ABTB3: variants seen among roughly 807,000 people sequenced by gnomAD.
The protein encoded by ABTB3 is ankyrin repeat- and BTB/POZ domain-containing protein 3.
chr12:107,450,448 T>C, the ABTB3 span, among the ~76,000 whole-genome samples: 1 of 152,070 alleles, frequency 6.6e-6, no homozygotes, highest in Non-Finnish European at 1.5e-5. Context: ...TATACCACCT[T>C]GGGGTTGCAG....
At chr12:107,490,331 A>G in the ABTB3 span, among the ~76,000 whole-genome samples, 1 of 152,198 alleles carries the variant, frequency 6.6e-6, no homozygotes, top group Non-Finnish European at 1.5e-5. Flanking sequence ...CCTGGTCAAC[A>G]GCTCAACTGC....
chr12:107,473,936 T>G, the ABTB3 span, among the ~76,000 whole-genome samples: 1 of 151,590 alleles, frequency 6.6e-6, no homozygotes, highest in Non-Finnish European at 1.5e-5. Context: ...GTGTGCACCA[T>G]CACACTTGGC....
chr12:107,514,807 A>G, the ABTB3 span, among the ~76,000 whole-genome samples: 1 of 152,232 alleles, frequency 6.6e-6, no homozygotes. Context: ...GCTTCTTTGA[A>G]TAATTATATT....
At chr12:107,390,254 T>G in the ABTB3 span, among the ~76,000 whole-genome samples, 1 of 152,224 alleles carries the variant, frequency 6.6e-6, no homozygotes, top group African/African-American at 2.4e-5. Flanking sequence ...TAGTGTATCT[T>G]ATTGTATTTA....
chr12:107,566,461 A>T, the ABTB3 span, among the ~76,000 whole-genome samples: 9 of 152,334 alleles, frequency 5.9e-5, no homozygotes, highest in East Asian at 1.7e-3. Context: ...AGTTAGTTAT[A>T]ACAGAATTAC....
the ABTB3 span, among the ~76,000 whole-genome samples, chr12:107,469,729 G>C: frequency 6.6e-6 from 1 of 152,098 alleles, no homozygotes; most frequent in African/African-American, 2.4e-5. Context: ...GCACTTATTA[G>C]GTAATAATAG....
chr12:107,480,180 A>G, the ABTB3 span, among the ~76,000 whole-genome samples: 2 of 152,358 alleles, frequency 1.3e-5, no homozygotes. Context: ...CTAAAAACCC[A>G]GAGAATGTTT....
At chr12:107,626,745 G>A in the ABTB3 span, among the ~76,000 whole-genome samples, 4 of 151,960 alleles carry the variant, frequency 2.6e-5, no homozygotes, top group Non-Finnish European at 5.9e-5. Context: ...CATGTAAGCA[G>A]AAAAAAATAA....
At chr12:107,635,149 A>G in the ABTB3 span, 1 of 695,002 alleles carries the variant, frequency 1.4e-6, no homozygotes, top group Non-Finnish European at 2.4e-6. Context: ...CTTCTGTGCT[A>G]CCCCAGGGGA....
the ABTB3 span, among the ~76,000 whole-genome samples, chr12:107,386,889 A>AAG: frequency 1.6e-5 from 2 of 122,498 alleles, no homozygotes; most frequent in African/African-American, 7.4e-5. Context: ...AGGAAATGGA[A>AAG]AGTGTGTGTG....
chr12:107,470,709 G>A, the ABTB3 span, among the ~76,000 whole-genome samples: 1 of 152,210 alleles, frequency 6.6e-6, no homozygotes, highest in African/African-American at 2.4e-5. Flanking sequence ...ACCCTGGCCT[G>A]GTGGCACCTC....
the ABTB3 span, among the ~76,000 whole-genome samples, chr12:107,632,558 A>T: frequency 6.6e-6 from 1 of 152,224 alleles, no homozygotes; most frequent in South Asian, 2.1e-4. Flanking sequence ...TAAACTTTAG[A>T]TGAGATGTGT....
At chr12:107,397,964 G>A in the ABTB3 span, among the ~76,000 whole-genome samples, 1 of 152,088 alleles carries the variant, frequency 6.6e-6, no homozygotes, top group Non-Finnish European at 1.5e-5. Context: ...CTCTTCGCCT[G>A]GATAGGAATA....
At chr12:107,546,264 T>A in the ABTB3 span, among the ~76,000 whole-genome samples, 1 of 152,126 alleles carries the variant, frequency 6.6e-6, no homozygotes, top group Non-Finnish European at 1.5e-5. Context: ...AACCTATTGA[T>A]CTAAGTTCCT....
the ABTB3 span, among the ~76,000 whole-genome samples, chr12:107,427,380 C>A: frequency 1.3e-5 from 2 of 152,000 alleles, no homozygotes; most frequent in African/African-American, 4.8e-5. Flanking sequence ...TTCCTGGGCA[C>A]AAACCACCCT....
At chr12:107,358,328 A>T in the ABTB3 span, among the ~76,000 whole-genome samples, 1 of 152,246 alleles carries the variant, frequency 6.6e-6, no homozygotes, top group South Asian at 2.1e-4. Flanking sequence ...TTAGGGAATT[A>T]GCTCCACAGA....
At chr12:107,519,161 T>C in the ABTB3 span, among the ~76,000 whole-genome samples, 4 of 152,314 alleles carry the variant, frequency 2.6e-5, no homozygotes, top group African/African-American at 7.2e-5. Context: ...TATGTCTTTA[T>C]GGGCAGCTGG....
chr12:107,651,149 C>T, the ABTB3 span, among the ~76,000 whole-genome samples: 2 of 151,942 alleles, frequency 1.3e-5, no homozygotes, highest in East Asian at 1.9e-4. Flanking sequence ...GTTACAGCAG[C>T]GATGAAAACC....
the ABTB3 span, among the ~76,000 whole-genome samples, chr12:107,459,740 G>A: frequency 5.3e-5 from 8 of 152,350 alleles, no homozygotes; most frequent in East Asian, 3.9e-4. Flanking sequence ...TTGTGGCTGC[G>A]TTTCTTCTGA....
Sources: allele counts gnomAD v4.1 joint callset (sites outside exome capture counted in the v4.1 genomes callset), GRCh38; gene constraint gnomAD v4.1.1; transcripts MANE v1.5; gene names NCBI Gene and HGNC (gene_info 2026-07-23, HGNC 2026-07-21).